The following SOAT1 variants were observed in gnomAD, a reference collection of about 807,000 sequenced individuals.
SOAT1 encodes the protein acyl-coenzyme A:cholesterol acyltransferase 1.
A neutral mutation model predicts 69.5 loss-of-function variants in SOAT1; 55 were observed. That is an observed-to-expected ratio of 0.79 (90% confidence interval 0.64 to 0.99). The LOEUF (loss-of-function observed/expected upper bound fraction) is 0.99, where lower values mean the gene tolerates loss of function less well. Ranked by LOEUF, SOAT1 falls within the 50% of genes least tolerant of loss-of-function variation. SOAT1 has a pLI of 0.00. For missense variants in SOAT1, 580 were observed against 669.3 expected, an observed-to-expected ratio of 0.87 and a Z score of 1.47; for synonymous variants, 231 against 224.7, an observed-to-expected ratio of 1.03 and a Z score of -0.25.
chr1:179,313,259 C>A (rs1436740278), intron 2 of SOAT1, among the ~76,000 whole-genome samples: 1 of 152,070 alleles, frequency 6.6e-6, no homozygotes, highest in Admixed American at 6.5e-5. Flanking sequence ...ACTATACTGC[C>A]CATTACGGAA....
At chr1:179,302,451 G>A (rs1664864050) in intron 1 of SOAT1, among the ~76,000 whole-genome samples, 1 of 152,144 alleles carries the variant, frequency 6.6e-6, no homozygotes, top group Non-Finnish European at 1.5e-5. Flanking sequence ...AGAGCTGATG[G>A]TTTTAAATGT....
At chr1:179,319,917 A>G (rs138755862) in intron 2 of SOAT1, among the ~76,000 whole-genome samples, 82 of 151,880 alleles carry the variant, frequency 5.4e-4, no homozygotes, top group African/African-American at 1.9e-3. Flanking sequence ...TGCCTGGCCT[A>G]TTTGTCTTTT....
At chr1:179,311,592 G>A (rs532833438) in intron 2 of SOAT1, among the ~76,000 whole-genome samples, 20 of 110,854 alleles carry the variant, frequency 1.8e-4, no homozygotes, top group South Asian at 3.4e-4. Flanking sequence ...AAAAAAAATC[G>A]TTTCTAAATT....
Position 179,320,691 on chromosome 1 carries a change from A to G in SOAT1, c.119-2746A>G, listed in dbSNP as rs1044324387. On this transcript the variant is annotated intron_variant, in intron 2 of 15. Coordinates refer to ENST00000367619, the MANE Select transcript of SOAT1 (RefSeq NM_003101.6). ...TTTCTTCATGGCACCTTTTATTTGC[A>G]TCAGATATTATAAAGTTGATGAACT... is the stretch of plus-strand genomic sequence containing the variant. Among the ~76,000 whole-genome samples, 3 of 152,084 alleles carry G rather than the reference A, an allele frequency of 2.0e-5. No individual in the cohort carries two copies. The East Asian group carries it at 5.8e-4, about 29-fold the overall frequency.
intron 2 of SOAT1, among the ~76,000 whole-genome samples, chr1:179,314,511 G>T (rs1413088735): frequency 1.3e-5 from 2 of 152,190 alleles, no homozygotes; most frequent in Non-Finnish European, 2.9e-5. Context: ...TTTTGCTAAA[G>T]ATATCACTAT....
intron 4 of SOAT1, among the ~76,000 whole-genome samples, chr1:179,337,020 G>A (rs879112966): frequency 2.0e-5 from 3 of 151,626 alleles, no homozygotes; most frequent in South Asian, 4.2e-4. Flanking sequence ...ATATCATTAC[G>A]TGCCTCTCTA....
chr1:179,324,339 T>C (rs1665706424), intron 3 of SOAT1, among the ~76,000 whole-genome samples: 1 of 152,218 alleles, frequency 6.6e-6, no homozygotes, highest in African/African-American at 2.4e-5. Context: ...GTATTTGTAC[T>C]TTCATCTAAT....
Position 179,341,149 on chromosome 1 carries a change from G to T in SOAT1, c.619G>T (p.Ala207Ser). The T allele has an allele frequency of 6.2e-7, 1 of 1,613,962 alleles. No individual in the cohort carries two copies. The highest frequency in any genetic ancestry group is 2.2e-5 in the East Asian group (1 of 44,870). Residue 207 changes from alanine to serine, a missense_variant, in exon 7 of 16, where the codon GCC (alanine) becomes TCC (serine). By Grantham distance (99) the Ala-to-Ser change is moderately conservative. Transcript: ENST00000367619. ...SVPYFLFQHW[A>S]TGYSKSSHPL... ...TCCCTATTTTCTGTTTCAACATTGGGCCACTGGCTATAGCAAGAGTTCTCA... is the reference window on the plus strand; with the variant it reads ...TCCCTATTTTCTGTTTCAACATTGGTCCACTGGCTATAGCAAGAGTTCTCA...
In SOAT1 at chr1:179,356,117, C is replaced by T. The variant is rs1250351185; in HGVS notation, c.*2476C>T. ...AGGAAGATTTATTTTTTCTATTTTG[C>T]TATTGTGGCGAAAATTATTTTCAGT... On this transcript the variant is annotated 3_prime_UTR_variant, in exon 16 of 16. Transcript: ENST00000367619. 1 of 152,088 alleles carries T rather than the reference C, an allele frequency of 6.6e-6. No individual in the cohort carries two copies. The highest frequency in any genetic ancestry group is 1.5e-5 in the Non-Finnish European group (1 of 68,002). 9.4% of individuals were successfully genotyped at this position (152,088 alleles called of 1,614,324 possible). A position where few individuals can be genotyped will look rare whatever the true frequency, so the allele number is the denominator to read the frequency against.
intron 2 of SOAT1, among the ~76,000 whole-genome samples, chr1:179,312,301 G>A (rs1249885970): frequency 6.6e-6 from 1 of 152,172 alleles, no homozygotes; most frequent in East Asian, 1.9e-4. Context: ...TCGGCGTGTG[G>A]CATGGTGGGT....
chr1:179,329,834 A>G (rs1665915312), intron 3 of SOAT1, among the ~76,000 whole-genome samples: 2 of 152,214 alleles, frequency 1.3e-5, no homozygotes, highest in South Asian at 4.1e-4. Flanking sequence ...GTGTAAGTTA[A>G]GATTGGGTTT....
chr1:179,296,452 C>A (rs1664647439), intron 1 of SOAT1, among the ~76,000 whole-genome samples: 1 of 152,108 alleles, frequency 6.6e-6, no homozygotes, highest in South Asian at 2.1e-4. Context: ...TAACAAAGAC[C>A]AGCCAAGTTC....
Position 179,342,139 on chromosome 1 carries a change from C to T in SOAT1, c.806C>T (p.Ser269Leu), listed in dbSNP as rs1180193439. 7.4e-6 allele frequency: 12 copies of T among 1,613,564 alleles called. No homozygotes were observed. Among genetic ancestry groups the T allele is most frequent in the Non-Finnish European group, 1.0e-5 (12 of 1,179,730 alleles). The change falls in exon 8 of 16, where the codon TCA becomes TTA. Residue 269 changes from serine to leucine, a missense_variant. By Grantham distance (145) the Ser-to-Leu change is moderately radical. Transcript: ENST00000367619. The stretch of plus-strand genomic sequence containing the variant: ...ATTCGTTTTGTAATGAAGGCCCACT[C>T]ATTTGTCAGAGAGAACGTGCCTCGG... ...EQIRFVMKAH[S>L]FVRENVPRVL...
chr1:179,335,462 G>A, intron 3 of SOAT1, 44 bp from the exon 4 acceptor site: 3 of 1,538,952 alleles, frequency 1.9e-6, no homozygotes, highest in Non-Finnish European at 2.7e-6. Context: ...TGACTCACAA[G>A]CATGTATTAG....
intron 11 of SOAT1, among the ~76,000 whole-genome samples, chr1:179,347,202 C>T (rs892393798): frequency 4.6e-5 from 7 of 151,814 alleles, no homozygotes; most frequent in African/African-American, 1.5e-4. Flanking sequence ...ACTAAAAATA[C>T]AAAAAATTAG....
At chr1:179,300,988 G>A (rs1047824289) in intron 1 of SOAT1, among the ~76,000 whole-genome samples, 5 of 152,086 alleles carry the variant, frequency 3.3e-5, no homozygotes, top group African/African-American at 9.7e-5. Context: ...TCAGCCACTC[G>A]GGAGGCTGAG....
intron 1 of SOAT1, among the ~76,000 whole-genome samples, chr1:179,296,592 C>T (rs1195727469): frequency 3.9e-5 from 6 of 152,048 alleles, no homozygotes; most frequent in Admixed American, 1.3e-4. Context: ...ACTTAAAGAC[C>T]TAGTTCTGTG....
At chr1:179,334,687 G>T (rs1235483421) in intron 3 of SOAT1, among the ~76,000 whole-genome samples, 1 of 152,152 alleles carries the variant, frequency 6.6e-6, no homozygotes, top group Non-Finnish European at 1.5e-5. Flanking sequence ...GGTGTCAGAG[G>T]TTGGGGTCAT....
At chr1:179,310,279 T>TTTA (rs202211507) in intron 2 of SOAT1, among the ~76,000 whole-genome samples, 17 of 150,764 alleles carry the variant, frequency 1.1e-4, no homozygotes, top group Admixed American at 8.0e-4. Context: ...TTTTTTTTTT[T>TTTA]ACTTTTGTGG....
Sources: gnomAD v4.1 joint callset for allele counts (sites outside exome capture counted in the v4.1 genomes callset) on GRCh38, gnomAD v4.1.1 for gene constraint, MANE v1.5 for transcripts, NCBI Gene and HGNC (gene_info 2026-07-23, HGNC 2026-07-21) for gene names.